Variants in SAMD3 observed in about 807,000 individuals in gnomAD.
SAMD3 encodes sterile alpha motif domain-containing protein 3.
SAMD3 carries 63 observed loss-of-function variants against 58.5 expected under a neutral mutation model. That is an observed-to-expected ratio of 1.08 (90% CI 0.88 to 1.33). SAMD3 has a LOEUF of 1.33. Ranked by LOEUF, SAMD3 falls within the 40% of genes most tolerant of loss-of-function variation. The probability of loss-of-function intolerance (pLI) is 0.00; values close to 1 mark genes in which losing one functional copy is unlikely to be tolerated. For missense variants in SAMD3, 604 were observed against 608.4 expected (o/e 0.99, Z 0.08); for synonymous variants, 220 against 210.3 (o/e 1.05, Z -0.40).
intron 2 of SAMD3, among the ~76,000 whole-genome samples, chr6:130,310,832 G>A (rs1776125912): frequency 6.6e-6 from 1 of 152,146 alleles, no homozygotes; most frequent in Non-Finnish European, 1.5e-5. Context: ...TTTTTCGACT[G>A]CAGAGAAGAA....
At chr6:130,250,857 T>A (rs4897384) in intron 2 of SAMD3, among the ~76,000 whole-genome samples, 10,890 of 152,224 alleles carry the variant, frequency 0.072, 686 homozygotes, top group East Asian at 0.29. Flanking sequence ...TGGATTTGGG[T>A]TTTTTCTACT....
intron 5 of SAMD3, among the ~76,000 whole-genome samples, chr6:130,208,794 C>T (rs377693818): frequency 1.3e-5 from 2 of 152,210 alleles, no homozygotes; most frequent in East Asian, 3.9e-4. Flanking sequence ...ATGTGCTTGA[C>T]TCATCCTAAA....
chr6:130,273,923 T>A (rs941783037), intron 2 of SAMD3, among the ~76,000 whole-genome samples: 2 of 148,950 alleles, frequency 1.3e-5, no homozygotes, highest in African/African-American at 5.1e-5. Context: ...AAAATTAAAA[T>A]CAATTTACAC....
intron 2 of SAMD3, among the ~76,000 whole-genome samples, chr6:130,291,025 G>A (rs4897404): frequency 0.28 from 42,178 of 151,890 alleles, 6,272 homozygotes; most frequent in East Asian, 0.45. Flanking sequence ...TACTCTGTCA[G>A]ACCTTTCATT....
chr6:130,208,708 A>C (rs1170132082), intron 5 of SAMD3, among the ~76,000 whole-genome samples: 2 of 152,168 alleles, frequency 1.3e-5, no homozygotes, highest in African/African-American at 2.4e-5. Context: ...CACTGATTCT[A>C]CATTATGGTG....
At chr6:130,167,167 T>C (rs1790805898) in intron 8 of SAMD3, among the ~76,000 whole-genome samples, 1 of 152,050 alleles carries the variant, frequency 6.6e-6, no homozygotes, top group Admixed American at 6.5e-5. Context: ...AGAGTGTCAG[T>C]TTAAAAGGTG....
chr6:130,358,726 TACAC>T (rs3029958), intron 1 of SAMD3, among the ~76,000 whole-genome samples: 6,541 of 144,576 alleles, frequency 0.045, 338 homozygotes, highest in African/African-American at 0.13. Flanking sequence ...CACTATGTCT[TACAC>T]ACACACACAC....
At chr6:130,143,553 C>T (rs1788380581), downstream of SAMD3, among the ~76,000 whole-genome samples, 1 of 152,044 alleles carries the variant, frequency 6.6e-6, no homozygotes, top group Admixed American at 6.6e-5. Context: ...CCACATGAGC[C>T]TTTCTTAAAC....
Position 130,184,129 on chromosome 6 carries a change from A to G in SAMD3, c.628T>C (p.Phe210Leu). ...VVNALLQAHPFLDEDGCGFFL... is the reference protein window; with the variant it reads ...VVNALLQAHPLLDEDGCGFFL... ...AAGCCACAGCCATCCTCATCCAGGA[A>G]AGGGTGGGCCTGCAGCAGGGCATTA... is the stretch of plus-strand genomic sequence containing the variant. The change falls in exon 7 of 12, where the codon TTC becomes CTC. Residue 210 changes from phenylalanine (F) to leucine (L), a missense_variant. Physicochemically the swap from Phe to Leu is conservative, Grantham distance 22 (BLOSUM62 0). Transcript: ENST00000439090. 6.2e-7 allele frequency: 1 copy of G among 1,613,946 alleles called. No individual in the cohort carries two copies. Among genetic ancestry groups the G allele is most frequent in the South Asian group, 1.1e-5 (1 of 91,068 alleles).
intron 5 of SAMD3, among the ~76,000 whole-genome samples, chr6:130,200,136 C>G (rs909417625): frequency 6.6e-6 from 1 of 152,084 alleles, no homozygotes; most frequent in Non-Finnish European, 1.5e-5. Flanking sequence ...TCCCATTCCC[C>G]AATTCCTCTT....
At chr6:130,321,235 ATTGCC>A (rs1776575474) in intron 1 of SAMD3, among the ~76,000 whole-genome samples, 1 of 152,136 alleles carries the variant, frequency 6.6e-6, no homozygotes, top group Admixed American at 6.5e-5. Context: ...ACTCTTGTCA[ATTGCC>A]TTACGGACAG....
intron 8 of SAMD3, among the ~76,000 whole-genome samples, chr6:130,159,108 C>A (rs181890356): frequency 5.9e-5 from 9 of 152,156 alleles, no homozygotes; most frequent in Non-Finnish European, 1.2e-4. Flanking sequence ...TCTTGTAGCT[C>A]CCATAATTCC....
intron 1 of SAMD3, among the ~76,000 whole-genome samples, chr6:130,350,202 G>C (rs1174738203): frequency 2.0e-5 from 3 of 152,174 alleles, no homozygotes; most frequent in African/African-American, 7.2e-5. Flanking sequence ...ATTCAACATA[G>C]TGTTAGAAGT....
At chr6:130,224,612 T>TATC (rs1458456418), upstream of SAMD3, among the ~76,000 whole-genome samples, 1 of 148,468 alleles carries the variant, frequency 6.7e-6, no homozygotes, top group Non-Finnish European at 1.5e-5. Context: ...TTATTATTAT[T>TATC]ATTATTATTA....
chr6:130,230,684 G>A lies in SAMD3; in HGVS notation c.-187-7871C>T, dbSNP rs1178857511. Among the ~76,000 whole-genome samples the A allele has an allele frequency of 2.0e-5, 3 of 152,268 alleles. No homozygotes were observed. In the East Asian group the frequency reaches 5.8e-4, roughly 29 times the overall value. On this transcript the variant is annotated intron_variant, in intron 2 of 13. Transcript: ENST00000368134. ...ATTACAGGCATGAGCCACCATGCCC[G>A]GCCTCTTCGCCTCTTCTATGCACAA...
rs1489903682 is a variant in SAMD3 at position 130,336,019 on chromosome 6, TG to T, written c.-303-22927del. On this transcript the variant is annotated intron_variant, in intron 1 of 13. Transcript: ENST00000368134. ...TCACACTCTGGGGACTGTTGTGGGG[TG>T]GGGGAAGTGGGGAGGGATAGCATTA... Among the ~76,000 whole-genome samples, 3 of 150,350 alleles carry T rather than the reference TG, an allele frequency of 2.0e-5. No homozygotes were observed. The South Asian group carries it at 6.3e-4, about 32-fold the overall frequency.
intron 7 of SAMD3, among the ~76,000 whole-genome samples, chr6:130,177,256 T>C (rs1280846715): frequency 6.6e-6 from 1 of 152,166 alleles, no homozygotes; most frequent in Non-Finnish European, 1.5e-5. Flanking sequence ...CCCAGATGTC[T>C]GTATTTTTTA....
chr6:130,250,331 C>T (rs1271238656), intron 2 of SAMD3, among the ~76,000 whole-genome samples: 1 of 152,070 alleles, frequency 6.6e-6, no homozygotes, highest in Non-Finnish European at 1.5e-5. Context: ...ATTCTTTTGC[C>T]CTAGTGCTAA....
chr6:130,240,597 A>T (rs1203438973), intron 2 of SAMD3, among the ~76,000 whole-genome samples: 5 of 152,220 alleles, frequency 3.3e-5, no homozygotes, highest in Non-Finnish European at 7.3e-5. Context: ...TTGGAAACGT[A>T]ATTCCCAATG....
Sources: gnomAD v4.1 joint callset for allele counts (sites outside exome capture counted in the v4.1 genomes callset) on GRCh38, gnomAD v4.1.1 for gene constraint, MANE v1.5 for transcripts, NCBI Gene and HGNC (gene_info 2026-07-23, HGNC 2026-07-21) for gene names.